Variants in ASPRV1 observed in about 807,000 individuals in gnomAD.
ASPRV1 encodes aspartic peptidase retroviral like 1.
Under a neutral mutation model 11.0 loss-of-function variants are expected in ASPRV1, and 7 were observed. That is an observed-to-expected ratio of 0.64 (90% CI 0.36 to 1.20). ASPRV1 has a LOEUF of 1.20. ASPRV1 is among the 50% of genes most tolerant of loss of function. The pLI is 0.02. For synonymous variants in ASPRV1, 136 were observed against 138.4 expected, an observed-to-expected ratio of 0.98 and a Z score of 0.12; for missense variants, 299 against 320.0, an observed-to-expected ratio of 0.93 and a Z score of 0.50.
At chr2:70,040,834 A>AAAACT in the ASPRV1 span, among the ~76,000 whole-genome samples, 381 of 152,316 alleles carry the variant, frequency 2.5e-3, no homozygotes, top group African/African-American at 8.0e-3. Flanking sequence ...ACTCCGACTC[A>AAAACT]AAACTAAACT....
the ASPRV1 span, among the ~76,000 whole-genome samples, chr2:70,000,788 CAA>C: frequency 5.0e-3 from 210 of 41,988 alleles, no homozygotes; most frequent in Middle Eastern, 0.067. Context: ...GACCCTGCCT[CAA>C]AAAAAAAAAA....
At chr2:69,938,277 G>T in the ASPRV1 span, 1 of 1,614,048 alleles carries the variant, frequency 6.2e-7, no homozygotes, top group Admixed American at 1.7e-5. Context: ...GCGTGTCTTG[G>T]TCTCTAAGAG....
At chr2:70,041,035 G>A in the ASPRV1 span, among the ~76,000 whole-genome samples, 2 of 152,182 alleles carry the variant, frequency 1.3e-5, no homozygotes, top group South Asian at 4.2e-4. Flanking sequence ...CATAGGCTAA[G>A]GCCCCAAGGG....
the ASPRV1 span, chr2:70,015,853 C>T: frequency 6.6e-6 from 1 of 152,218 alleles, no homozygotes; most frequent in Admixed American, 6.5e-5. Context: ...ATCTCAGCTA[C>T]TCAGGAGGCT....
the ASPRV1 span, chr2:70,030,694 T>C: frequency 6.6e-6 from 1 of 152,208 alleles, no homozygotes; most frequent in Non-Finnish European, 1.5e-5. Flanking sequence ...AAGTTAATTA[T>C]CTAATTGAGA....
chr2:69,944,129 T>C, the ASPRV1 span, among the ~76,000 whole-genome samples: 1 of 152,164 alleles, frequency 6.6e-6, no homozygotes, highest in East Asian at 1.9e-4. Context: ...CACCTAATAG[T>C]GCATTGGTCA....
chr2:70,049,960 A>G, the ASPRV1 span: 1 of 152,360 alleles, frequency 6.6e-6, no homozygotes, highest in South Asian at 2.1e-4. Context: ...CTCCTTTAAC[A>G]AATGAATTAG....
chr2:70,028,408 C>T, the ASPRV1 span: 1 of 152,172 alleles, frequency 6.6e-6, no homozygotes, highest in Admixed American at 6.5e-5. Context: ...CGTACTCACC[C>T]CTCCATGCCA....
At chr2:70,086,011 A>G in the ASPRV1 span, 2 of 152,208 alleles carry the variant, frequency 1.3e-5, no homozygotes, top group African/African-American at 4.8e-5. Flanking sequence ...CCTATTATCC[A>G]CTATTAAGCT....
the ASPRV1 span, chr2:69,937,543 A>C: frequency 1.4e-6 from 1 of 729,500 alleles, no homozygotes; most frequent in South Asian, 2.0e-5. Flanking sequence ...CTCCAGTGAC[A>C]GGTTCCTTCT....
chr2:69,961,413 A>T lies in ASPRV1; in HGVS notation c.24T>A (p.Ser8Arg). The T allele has an allele frequency of 6.2e-7, 1 of 1,613,826 alleles. No homozygotes were observed. The highest frequency in any genetic ancestry group is 1.1e-5 in the South Asian group (1 of 91,076). MAGSGAR[S>R]EEGRRQHAFV... ...AGGCATGCTGCCGGCGGCCTTCCTC[A>T]CTCCTGGCTCCGCTCCCGGCCATCC... The change falls in exon 1 of 1, where the codon AGT becomes AGA. Residue 8 changes from serine to arginine, a missense_variant. Physicochemically the swap from Ser to Arg is moderately radical, Grantham distance 110. Transcript: ENST00000320256.
the ASPRV1 span, among the ~76,000 whole-genome samples, chr2:69,973,093 C>A: frequency 1.3e-5 from 2 of 152,038 alleles, no homozygotes; most frequent in African/African-American, 4.8e-5. Context: ...AAAATGCATG[C>A]ATATATACAC....
chr2:69,975,476 A>G, the ASPRV1 span: 1 of 152,272 alleles, frequency 6.6e-6, no homozygotes, highest in Non-Finnish European at 1.5e-5. Context: ...TAAGTTTGGA[A>G]AGCACCCAGA....
the ASPRV1 span, among the ~76,000 whole-genome samples, chr2:69,944,803 C>CA: frequency 2.0e-5 from 3 of 151,650 alleles, no homozygotes; most frequent in African/African-American, 4.9e-5. Flanking sequence ...GAAGAAGGAC[C>CA]CCCCCTCCTC....
the ASPRV1 span, chr2:69,938,768 T>G: frequency 1.9e-5 from 3 of 155,454 alleles, no homozygotes; most frequent in Non-Finnish European, 4.3e-5. Flanking sequence ...TTAAGAGCAC[T>G]TAACCATGGA....
chr2:70,040,777 T>C, the ASPRV1 span, among the ~76,000 whole-genome samples: 1 of 150,676 alleles, frequency 6.6e-6, no homozygotes, highest in Admixed American at 6.6e-5. Context: ...GAGGTTTCAG[T>C]GAGCCGAGAT....
At chr2:70,069,732 G>A in the ASPRV1 span, among the ~76,000 whole-genome samples, 1 of 152,060 alleles carries the variant, frequency 6.6e-6, no homozygotes, top group African/African-American at 2.4e-5. Context: ...CCTCTCAATG[G>A]AGCAATATTC....
At chr2:69,937,054 C>G in the ASPRV1 span, 1 of 803,198 alleles carries the variant, frequency 1.2e-6, no homozygotes, top group South Asian at 1.4e-5. Context: ...GCTGAAGAGT[C>G]AGACGAAGCC....
chr2:69,969,337 G>A, the ASPRV1 span, among the ~76,000 whole-genome samples: 8 of 152,224 alleles, frequency 5.3e-5, no homozygotes, highest in East Asian at 7.7e-4. Context: ...GCCCTCTGCC[G>A]TCAGCCTTGC....
Sources: allele counts gnomAD v4.1 joint callset (sites outside exome capture counted in the v4.1 genomes callset), GRCh38; gene constraint gnomAD v4.1.1; transcripts MANE v1.5; gene names NCBI Gene and HGNC (gene_info 2026-07-23, HGNC 2026-07-21).